The following NTM variants were observed in gnomAD, a reference collection of about 807,000 sequenced individuals.
NTM encodes neurotrimin.
A neutral mutation model predicts 42.1 loss-of-function variants in NTM; 13 were observed. That is an observed-to-expected ratio of 0.31 (90% CI 0.20 to 0.49). The LOEUF (loss-of-function observed/expected upper bound fraction) is 0.49, where lower values mean the gene tolerates loss of function less well. Ranked by LOEUF, NTM falls within the 20% of genes least tolerant of loss-of-function variation. The pLI, the probability that NTM is intolerant of heterozygous loss-of-function variation, is 0.99. For missense variants in NTM, 373 were observed against 452.8 expected (o/e 0.82, Z 1.60); for synonymous variants, 187 against 179.2 (o/e 1.04, Z -0.35).
At chr11:131,582,798 C>CA (rs374257009) in intron 1 of NTM, among the ~76,000 whole-genome samples, 1 of 152,080 alleles carries the variant, frequency 6.6e-6, no homozygotes. Context: ...CTTCCCCCAC[C>CA]AAAAAAACCC....
At chr11:131,659,858 G>T (rs2067726691) in intron 1 of NTM, among the ~76,000 whole-genome samples, 2 of 152,330 alleles carry the variant, frequency 1.3e-5, no homozygotes, top group Middle Eastern at 3.4e-3. Flanking sequence ...TCTCAGAGGA[G>T]CTTGGAGGAG....
intron 2 of NTM, among the ~76,000 whole-genome samples, chr11:132,117,953 TGAA>T (rs1414922805): frequency 6.6e-6 from 1 of 152,226 alleles, no homozygotes; most frequent in Non-Finnish European, 1.5e-5. Context: ...AATTCAAAAC[TGAA>T]GAAGAACTTG....
At chr11:131,435,317 T>C (rs1465715605) in intron 1 of NTM, among the ~76,000 whole-genome samples, 1 of 152,214 alleles carries the variant, frequency 6.6e-6, no homozygotes, top group East Asian at 1.9e-4. Context: ...TTTTTTCCAA[T>C]TCTGTGAAGA....
intron 1 of NTM, among the ~76,000 whole-genome samples, chr11:131,803,879 T>C (rs924383028): frequency 6.6e-6 from 1 of 152,238 alleles, no homozygotes; most frequent in African/African-American, 2.4e-5. Context: ...TTTTTATACA[T>C]TCTTTTCCTT....
rs112360567 is a variant in NTM at position 132,334,966 on chromosome 11, A to G, written c.968-80A>G. 27 of 1,564,194 alleles carry G rather than the reference A, an allele frequency of 1.7e-5. 3 individuals carry two copies. Among genetic ancestry groups the G allele is most frequent in the African/African-American group, 1.6e-4 (12 of 73,976 alleles). On this transcript the variant is annotated intron_variant, in intron 8 of 8. Transcript: ENST00000683400. ...GATGACTCACCAGGGGCAAGGCCAA[A>G]TGACAGCAGACCAGGCAACCACCGG... is the stretch of plus-strand genomic sequence containing the variant.
At chr11:131,725,941 C>T (rs1018439077) in intron 1 of NTM, among the ~76,000 whole-genome samples, 2 of 152,148 alleles carry the variant, frequency 1.3e-5, no homozygotes, top group Non-Finnish European at 2.9e-5. Context: ...TGGGAATGTG[C>T]GTTACTAACC....
At chr11:131,942,917 G>A (rs974829187) in intron 2 of NTM, among the ~76,000 whole-genome samples, 2 of 149,128 alleles carry the variant, frequency 1.3e-5, no homozygotes, top group Admixed American at 6.7e-5. Context: ...CCGCACTCCA[G>A]TCGGGTCAAG....
chr11:131,710,396 G>C (rs1430846807), intron 1 of NTM, among the ~76,000 whole-genome samples: 1 of 152,040 alleles, frequency 6.6e-6, no homozygotes, highest in East Asian at 1.9e-4. Context: ...GCCTCACCAA[G>C]CGGGTCCATG....
chr11:131,873,744 A>C (rs11222826), intron 1 of NTM, among the ~76,000 whole-genome samples: 67,624 of 136,480 alleles, frequency 0.5, 17,373 homozygotes, highest in East Asian at 0.75. Flanking sequence ...ATATCAGCTG[A>C]TACATATATA....
intron 1 of NTM, among the ~76,000 whole-genome samples, chr11:131,750,035 T>G (rs550953770): frequency 6.6e-6 from 1 of 152,320 alleles, no homozygotes; most frequent in East Asian, 1.9e-4. Context: ...CTGGGCATGC[T>G]GTCTGGGAAC....
intron 1 of NTM, among the ~76,000 whole-genome samples, chr11:131,430,111 G>T (rs1368250785): frequency 1.3e-5 from 2 of 152,180 alleles, no homozygotes; most frequent in African/African-American, 4.8e-5. Flanking sequence ...GGATATGGCA[G>T]CATCAACCAT....
intron 2 of NTM, among the ~76,000 whole-genome samples, chr11:132,076,921 T>A (rs2058442573): frequency 6.6e-6 from 1 of 152,242 alleles, no homozygotes; most frequent in Non-Finnish European, 1.5e-5. Context: ...TTCTTTGAAG[T>A]CTTTTTTTCC....
At chr11:131,461,349 T>A (rs1951359551) in intron 1 of NTM, among the ~76,000 whole-genome samples, 1 of 152,206 alleles carries the variant, frequency 6.6e-6, no homozygotes, top group Admixed American at 6.5e-5. Context: ...TTCTTGTAAC[T>A]TCCATGTCTG....
At chr11:132,054,105 C>T (rs2135949291) in intron 2 of NTM, among the ~76,000 whole-genome samples, 1 of 152,330 alleles carries the variant, frequency 6.6e-6, no homozygotes, top group South Asian at 2.1e-4. Context: ...GTCCCAGCTA[C>T]TCCAGAGGCT....
chr11:131,974,232 A>C (rs1036441399), intron 2 of NTM, among the ~76,000 whole-genome samples: 10 of 152,186 alleles, frequency 6.6e-5, no homozygotes, highest in African/African-American at 2.4e-4. Context: ...ATTTTCAACT[A>C]TATGGGGGCT....
intron 1 of NTM, among the ~76,000 whole-genome samples, chr11:131,519,250 A>G (rs113469157): frequency 2.1e-3 from 315 of 152,210 alleles, no homozygotes; most frequent in African/African-American, 7.0e-3. Flanking sequence ...ACTGGGACCT[A>G]GAACCTGCTT....
rs561641998 is a variant in NTM, at chr11:131,905,206, G to C, written c.83-6358G>C. Among the ~76,000 whole-genome samples, 3 of 152,276 alleles carry C rather than the reference G, an allele frequency of 2.0e-5. No individual in the cohort carries two copies. The South Asian group carries it at 6.2e-4, about 32-fold the overall frequency. On this transcript the variant is annotated intron_variant, in intron 1 of 8. Transcript: ENST00000683400. ...CCACTATTTTACAGATTAGATTAGG[G>C]CATGTCCCCAAGGTCCCACAGCTAG...
chr11:131,917,222 CT>C (rs2056534906), intron 2 of NTM, among the ~76,000 whole-genome samples: 1 of 152,228 alleles, frequency 6.6e-6, no homozygotes, highest in Non-Finnish European at 1.5e-5. Flanking sequence ...GCATGAATGA[CT>C]GCAGGAATGA....
chr11:131,954,065 C>G (rs2061315450), intron 2 of NTM, among the ~76,000 whole-genome samples: 1 of 152,194 alleles, frequency 6.6e-6, no homozygotes, highest in South Asian at 2.1e-4. Flanking sequence ...TCCCCAAACT[C>G]TACTCCCCAT....
Sources: gnomAD v4.1 joint callset for allele counts (sites outside exome capture counted in the v4.1 genomes callset) on GRCh38, gnomAD v4.1.1 for gene constraint, MANE v1.5 for transcripts, NCBI Gene and HGNC (gene_info 2026-07-23, HGNC 2026-07-21) for gene names.